GALNTL6: variants seen among roughly 807,000 people sequenced by gnomAD.
GALNTL6 encodes the protein polypeptide N-acetylgalactosaminyltransferase-like 6.
In GALNTL6, 46 loss-of-function variants were observed where a neutral mutation model predicts 73.7. The ratio of observed to expected loss-of-function variants is 0.62; its 90% CI spans 0.49 to 0.80. The LOEUF is 0.80. GALNTL6 is among the 30% of genes least tolerant of loss of function. The pLI, the probability that GALNTL6 is intolerant of heterozygous loss-of-function variation, is 0.00. For synonymous variants in GALNTL6, 259 were observed against 263.7 expected, an observed-to-expected ratio of 0.98 and a Z score of 0.17; for missense variants, 604 against 755.0, an observed-to-expected ratio of 0.80 and a Z score of 2.34.
At chr4:172,904,978 A>G (rs1404266067) in intron 8 of GALNTL6, among the ~76,000 whole-genome samples, 1 of 152,192 alleles carries the variant, frequency 6.6e-6, no homozygotes. Context: ...CATCTCTTTA[A>G]TTTTGTGCCC....
intron 5 of GALNTL6, among the ~76,000 whole-genome samples, chr4:172,481,556 A>C (rs975199362): frequency 6.6e-6 from 1 of 151,852 alleles, no homozygotes; most frequent in African/African-American, 2.4e-5. Context: ...TTTTACAGAG[A>C]GCTGATTGGT....
intron 11 of GALNTL6, among the ~76,000 whole-genome samples, chr4:173,018,074 AAGACAGAGAGATGG>A (rs755896089): frequency 2.2e-3 from 332 of 152,310 alleles, no homozygotes; most frequent in Non-Finnish European, 3.3e-3. Context: ...ATAAAAACCA[AAGACAGAGAGATGG>A]AGACAGAGAG....
intron 5 of GALNTL6, among the ~76,000 whole-genome samples, chr4:172,564,920 G>T (rs897517130): frequency 1.3e-5 from 2 of 152,198 alleles, no homozygotes; most frequent in Non-Finnish European, 2.9e-5. Flanking sequence ...TGTTAAATGG[G>T]TGTCTTAGTC....
chr4:172,936,232 C>A (rs1257119398), intron 9 of GALNTL6, among the ~76,000 whole-genome samples: 2 of 152,198 alleles, frequency 1.3e-5, no homozygotes, highest in African/African-American at 2.4e-5. Flanking sequence ...ATTCAACACC[C>A]CTTCATTCTG....
At chr4:172,537,875 C>A (rs1735404085) in intron 5 of GALNTL6, among the ~76,000 whole-genome samples, 1 of 151,952 alleles carries the variant, frequency 6.6e-6, no homozygotes, top group Non-Finnish European at 1.5e-5. Context: ...CGATAAAGTG[C>A]CATTGAACAC....
At chr4:172,139,101 T>C (rs1259610378) in intron 2 of GALNTL6, among the ~76,000 whole-genome samples, 1 of 152,104 alleles carries the variant, frequency 6.6e-6, no homozygotes, top group Non-Finnish European at 1.5e-5. Flanking sequence ...ACTAGCTTGA[T>C]GTGTTCCAGG....
At position 172,658,007 on chromosome 4, in the gene GALNTL6, G is replaced by A. The variant is rs1047959510; in HGVS notation, c.554-151354G>A. ...CTACTAAAAATACAAAAAATTAGCC[G>A]GGCGTAGTGGCGGGCGCCTGTAGTC... On this transcript the variant is annotated intron_variant, in intron 5 of 12. Transcript: ENST00000506823. Among the ~76,000 whole-genome samples the A allele has an allele frequency of 6.1e-5, 9 of 147,694 alleles. No homozygotes were observed. The South Asian group carries it at 6.7e-4, about 11-fold the overall frequency.
intron 2 of GALNTL6, among the ~76,000 whole-genome samples, chr4:172,209,250 A>C (rs1384753949): frequency 6.6e-6 from 1 of 152,084 alleles, no homozygotes; most frequent in Admixed American, 6.5e-5. Context: ...ATTCTATGAG[A>C]TATTTTAGCA....
chr4:172,513,151 T>A (rs922315261), intron 5 of GALNTL6, among the ~76,000 whole-genome samples: 8 of 152,194 alleles, frequency 5.3e-5, no homozygotes, highest in Admixed American at 5.2e-4. Context: ...ATATTTTTTT[T>A]AATTCTTCTT....
intron 5 of GALNTL6, among the ~76,000 whole-genome samples, chr4:172,473,830 C>T (rs1259502956): frequency 2.0e-5 from 3 of 152,162 alleles, no homozygotes; most frequent in African/African-American, 7.2e-5. Context: ...ATTGATATCT[C>T]CATTCTCAAA....
intron 5 of GALNTL6, among the ~76,000 whole-genome samples, chr4:172,379,653 AAAAATAAAATAAAAT>A (rs76730414): frequency 1.3e-4 from 19 of 150,716 alleles, no homozygotes; most frequent in Admixed American, 9.2e-4. Context: ...CCCCCCTGAA[AAAAATAAAATAAAAT>A]AAAATAAAAT....
intron 5 of GALNTL6, among the ~76,000 whole-genome samples, chr4:172,635,034 A>G (rs907767569): frequency 3.3e-5 from 5 of 152,200 alleles, no homozygotes. Flanking sequence ...CTGTGTCATA[A>G]TTGAGGACTG....
chr4:172,970,103 C>T (rs1750506765), intron 10 of GALNTL6, among the ~76,000 whole-genome samples: 1 of 152,078 alleles, frequency 6.6e-6, no homozygotes, highest in Admixed American at 6.5e-5. Context: ...AGATCACATG[C>T]TTCAAAGGGC....
intron 5 of GALNTL6, among the ~76,000 whole-genome samples, chr4:172,788,634 T>C (rs534242017): frequency 1.5e-5 from 2 of 136,854 alleles, no homozygotes; most frequent in Non-Finnish European, 3.0e-5. Context: ...ATCGCACCAC[T>C]GCACTCCAGC....
At chr4:172,227,419 A>G (rs575045841) in intron 2 of GALNTL6, among the ~76,000 whole-genome samples, 1 of 152,238 alleles carries the variant, frequency 6.6e-6, no homozygotes, top group African/African-American at 2.4e-5. Context: ...AGAACATACC[A>G]TTGACGCTCC....
At chr4:172,673,722 G>A (rs1306599931) in intron 5 of GALNTL6, among the ~76,000 whole-genome samples, 7 of 152,136 alleles carry the variant, frequency 4.6e-5, no homozygotes, top group Non-Finnish European at 7.4e-5. Flanking sequence ...TTATTGTTAT[G>A]TAATGTCCTT....
At chr4:172,112,962 T>C (rs1732894503) in intron 2 of GALNTL6, among the ~76,000 whole-genome samples, 1 of 151,950 alleles carries the variant, frequency 6.6e-6, no homozygotes, top group Admixed American at 6.6e-5. Context: ...AGAAAATCTG[T>C]TGTTTATAAG....
chr4:172,825,321 A>G lies in GALNTL6; in HGVS notation c.923+11598A>G, dbSNP rs572241213. On this transcript the variant is annotated intron_variant, in intron 7 of 12. Transcript: ENST00000506823. ...GGCTGAGGCCAGGCTGCCAGTGGAA[A>G]GGCTCGTGCTGGTTGGCCACTCCAG... is the stretch of plus-strand genomic sequence containing the variant. 2.6e-5 allele frequency among the ~76,000 whole-genome samples: 4 copies of G among 152,150 alleles called. No homozygotes were observed. The South Asian group carries it at 6.2e-4, about 24-fold the overall frequency.
chr4:172,498,576 T>G (rs1045530206), intron 5 of GALNTL6, among the ~76,000 whole-genome samples: 1 of 152,208 alleles, frequency 6.6e-6, no homozygotes, highest in African/African-American at 2.4e-5. Context: ...CATCTAATTT[T>G]TATTTTGAGT....
Sources: gnomAD v4.1 joint callset for allele counts (sites outside exome capture counted in the v4.1 genomes callset) on GRCh38, gnomAD v4.1.1 for gene constraint, MANE v1.5 for transcripts, NCBI Gene and HGNC (gene_info 2026-07-23, HGNC 2026-07-21) for gene names.